Variants in TEX9 observed in about 807,000 individuals in gnomAD.
TEX9 encodes the protein testis-expressed protein 9.
TEX9 carries 74 observed loss-of-function variants against 59.6 expected under a neutral mutation model. That is an observed-to-expected ratio of 1.24 (90% CI 1.03 to 1.51). The LOEUF (loss-of-function observed/expected upper bound fraction) is 1.51. Among genes scored for constraint, TEX9 ranks in the 40% most tolerant of loss-of-function variants. The pLI is 0.00. For synonymous variants in TEX9, 186 were observed against 152.2 expected, an observed-to-expected ratio of 1.22 and a Z score of -1.64; for missense variants, 522 against 447.8, an observed-to-expected ratio of 1.17 and a Z score of -1.49.
At chr15:56,460,003 A>ATATATAT in the TEX9 span, among the ~76,000 whole-genome samples, 3 of 32,856 alleles carry the variant, frequency 9.1e-5, no homozygotes, top group African/African-American at 3.4e-4. Context: ...AAAAAAAAAA[A>ATATATAT]AAAAAAATAC....
downstream of TEX9, among the ~76,000 whole-genome samples, chr15:56,449,605 G>C (rs74660542): frequency 1.6e-3 from 241 of 152,152 alleles, 2 homozygotes; most frequent in African/African-American, 5.3e-3. Flanking sequence ...AATTGGGAAG[G>C]GCTTCCTCTT....
chr15:56,459,821 T>C, the TEX9 span, among the ~76,000 whole-genome samples: 39 of 149,884 alleles, frequency 2.6e-4, no homozygotes, highest in Non-Finnish European at 4.4e-5. Flanking sequence ...AGAAACCCCA[T>C]CCCTACTAAA....
chr15:56,434,516 G>A (rs2050685522), intron 12 of TEX9: 1 of 1,065,016 alleles, frequency 9.4e-7, no homozygotes. Context: ...AACTGAAAAA[G>A]TAAGGCTTTT....
chr15:56,370,587 A>G (rs1397146797), intron 2 of TEX9, among the ~76,000 whole-genome samples: 2 of 152,202 alleles, frequency 1.3e-5, no homozygotes, highest in African/African-American at 2.4e-5. Flanking sequence ...TGTTGGTAAT[A>G]TAAGGATAGA....
chr15:56,422,182 A>C (rs1405119883), intron 10 of TEX9, among the ~76,000 whole-genome samples: 1 of 151,238 alleles, frequency 6.6e-6, no homozygotes, highest in African/African-American at 2.4e-5. Flanking sequence ...GCACACCAGC[A>C]TAGCACATGT....
intron 7 of TEX9, among the ~76,000 whole-genome samples, chr15:56,392,215 C>T (rs796419679): frequency 6.6e-6 from 1 of 152,094 alleles, no homozygotes; most frequent in Non-Finnish European, 1.5e-5. Context: ...TAAAGAAATA[C>T]CTGAGACTGT....
At chr15:56,315,756 G>A (rs2045740899) in intron 1 of TEX9, among the ~76,000 whole-genome samples, 1 of 146,378 alleles carries the variant, frequency 6.8e-6, no homozygotes, top group Admixed American at 7.0e-5. Context: ...TTTCCAACTT[G>A]GTTCCATTCT....
At chr15:56,402,676 C>T (rs1274883975) in intron 9 of TEX9, among the ~76,000 whole-genome samples, 5 of 151,940 alleles carry the variant, frequency 3.3e-5, no homozygotes, top group African/African-American at 1.2e-4. Flanking sequence ...CTGGCAGAAA[C>T]ACAACAAAAA....
upstream of TEX9, chr15:56,365,296 C>A: frequency 4.9e-6 from 5 of 1,025,648 alleles, no homozygotes; most frequent in Non-Finnish European, 5.6e-6. Context: ...GTGCTGCGAG[C>A]AAAGGCCGAG....
At chr15:56,319,165 A>G (rs988049967) in intron 1 of TEX9, among the ~76,000 whole-genome samples, 3 of 151,970 alleles carry the variant, frequency 2.0e-5, no homozygotes, top group Non-Finnish European at 4.4e-5. Flanking sequence ...TAAATTTGAG[A>G]ATTTCTTAGG....
chr15:56,459,092 A>G, the TEX9 span, among the ~76,000 whole-genome samples: 1 of 152,212 alleles, frequency 6.6e-6, no homozygotes, highest in Admixed American at 6.5e-5. Flanking sequence ...CCTGTAACCT[A>G]TTAGCAGTCA....
chr15:56,379,350 G>A (rs2047613276), intron 3 of TEX9, among the ~76,000 whole-genome samples: 1 of 152,058 alleles, frequency 6.6e-6, no homozygotes. Flanking sequence ...CTATGTCTTT[G>A]TATAGTTTCC....
intron 1 of TEX9, among the ~76,000 whole-genome samples, chr15:56,262,277 A>G (rs1359064492): frequency 6.6e-6 from 1 of 152,218 alleles, no homozygotes; most frequent in Non-Finnish European, 1.5e-5. Context: ...GAGAGGCAAT[A>G]ATTCAGTAAC....
intron 1 of TEX9, among the ~76,000 whole-genome samples, chr15:56,277,220 T>C (rs747146168): frequency 1.3e-4 from 20 of 152,210 alleles, no homozygotes; most frequent in Non-Finnish European, 2.9e-5. Flanking sequence ...GCAATTGCTT[T>C]TGGTATTTTA....
intron 1 of TEX9, among the ~76,000 whole-genome samples, chr15:56,298,346 T>A (rs2045265341): frequency 6.6e-6 from 1 of 152,208 alleles, no homozygotes; most frequent in South Asian, 2.1e-4. Flanking sequence ...CTCCCCTTTT[T>A]AAATTCTTAA....
chr15:56,409,689 AC>A (rs1196955576), intron 9 of TEX9: 1 of 152,156 alleles, frequency 6.6e-6, no homozygotes. Flanking sequence ...TTTTGTAGAG[AC>A]AAGGTCTCCC....
At chr15:56,265,420 G>T (rs1311006006) in intron 1 of TEX9, among the ~76,000 whole-genome samples, 1 of 151,814 alleles carries the variant, frequency 6.6e-6, no homozygotes, top group East Asian at 1.9e-4. Flanking sequence ...CGATTTTTCT[G>T]CCTTGGCCTC....
rs770367820 is a variant in TEX9, at chr15:56,443,690, C to G, written c.*30-1981C>G. 1.7e-5 allele frequency: 27 copies of G among 1,613,188 alleles called. No homozygotes were observed. The African/African-American group carries it at 3.1e-4, about 18-fold the overall frequency. On this transcript the variant is annotated intron_variant, in intron 12 of 12. Coordinates refer to ENST00000352903, the Ensembl canonical transcript of TEX9. ...CTCATTTTCTTGAACTTTTGCCATCCGATCTTCTTCTCTTTGCTGCTGCAT... is the reference window on the plus strand; with the variant it reads ...CTCATTTTCTTGAACTTTTGCCATCGGATCTTCTTCTCTTTGCTGCTGCAT...
intron 9 of TEX9, among the ~76,000 whole-genome samples, chr15:56,404,318 G>A (rs1437875814): frequency 6.6e-6 from 1 of 152,120 alleles, no homozygotes; most frequent in African/African-American, 2.4e-5. Flanking sequence ...CAAAAAGTGG[G>A]CAAAGGATAT....
Sources: gnomAD v4.1 joint callset for allele counts (sites outside exome capture counted in the v4.1 genomes callset) on GRCh38, gnomAD v4.1.1 for gene constraint, MANE v1.5 for transcripts, NCBI Gene and HGNC (gene_info 2026-07-23, HGNC 2026-07-21) for gene names.